CFAP45: variants seen among roughly 807,000 people sequenced by gnomAD.
CFAP45 encodes the protein cilia- and flagella-associated protein 45.
A neutral mutation model predicts 75.6 loss-of-function variants in CFAP45; 43 were observed. The ratio of observed to expected loss-of-function variants is 0.57; its 90% confidence interval spans 0.45 to 0.73. The LOEUF (loss-of-function observed/expected upper bound fraction) is 0.73, where lower values mean the gene tolerates loss of function less well. CFAP45 is among the 30% of genes least tolerant of loss of function. The pLI, the probability that CFAP45 is intolerant of heterozygous loss-of-function variation, is 0.00. For synonymous variants in CFAP45, 223 were observed against 244.6 expected (o/e 0.91, Z 0.82); for missense variants, 689 against 701.5 (o/e 0.98, Z 0.20).
intron 7 of CFAP45, among the ~76,000 whole-genome samples, chr1:159,881,708 G>A (rs569475770): frequency 2.6e-5 from 4 of 152,190 alleles, no homozygotes; most frequent in Non-Finnish European, 5.9e-5. Context: ...GAACAAGGTC[G>A]TTTTTAAGGA....
chr1:159,878,689 G>T (rs775348227), intron 8 of CFAP45, among the ~76,000 whole-genome samples: 3 of 144,892 alleles, frequency 2.1e-5, no homozygotes, highest in Admixed American at 7.2e-5. Flanking sequence ...GAAGGCAGAG[G>T]TTGCTGCAGT....
At chr1:159,892,485 C>T (rs79039312) in intron 2 of CFAP45, among the ~76,000 whole-genome samples, 143 of 152,280 alleles carry the variant, frequency 9.4e-4, no homozygotes, top group African/African-American at 3.4e-3. Context: ...ACCTTCCCCA[C>T]TGGCAGAGGC....
chr1:159,895,951 G>T (rs1422819219), intron 1 of CFAP45, among the ~76,000 whole-genome samples: 1 of 152,212 alleles, frequency 6.6e-6, no homozygotes, highest in African/African-American at 2.4e-5. Context: ...CGAACAAGGT[G>T]ACCTCTCAAG....
At chr1:159,885,915 T>G (rs553382070) in intron 6 of CFAP45, among the ~76,000 whole-genome samples, 1 of 151,984 alleles carries the variant, frequency 6.6e-6, no homozygotes, top group Admixed American at 6.6e-5. Flanking sequence ...CAAAAAAAAA[T>G]TAAGAACTTG....
In CFAP45 at chr1:159,893,155, C is replaced by T. The variant is rs537736471; in HGVS notation, c.129+25G>A. ...GGCCTCTGCCTGCAGGTGGCATCAACTTGAAAGGACTTGTTGAGGATTACC... is the reference window on the plus strand; with the variant it reads ...GGCCTCTGCCTGCAGGTGGCATCAATTTGAAAGGACTTGTTGAGGATTACC... On this transcript the variant is annotated intron_variant, in intron 2 of 11. Transcript: ENST00000368099. The T allele has an allele frequency of 4.3e-6, 7 of 1,612,542 alleles. No homozygotes were observed. The African/African-American group carries it at 9.3e-5, about 21-fold the overall frequency.
intron 8 of CFAP45, among the ~76,000 whole-genome samples, chr1:159,878,568 C>A: frequency 6.6e-6 from 1 of 151,574 alleles, no homozygotes; most frequent in East Asian, 1.9e-4. Flanking sequence ...TCCAGGCCAA[C>A]ATGGTGAAAC....
rs1044596574 is a variant in CFAP45, at chr1:159,884,422, G to C, written c.897+14C>G. On this transcript the variant is annotated intron_variant, in intron 7 of 11. Transcript: ENST00000368099. ...CAGCTGGTGAAACGTGGCATTGTCT[G>C]TCTGGCCTGTTACCTTTAGATCTTC... The C allele has an allele frequency of 3.1e-6, 5 of 1,596,732 alleles. No individual in the cohort carries two copies. Among genetic ancestry groups the C allele is most frequent in the Non-Finnish European group, 4.3e-6 (5 of 1,170,606 alleles).
chr1:159,876,838 C>G, intron 9 of CFAP45, 89 bp from the exon 10 acceptor site: 1 of 1,209,346 alleles, frequency 8.3e-7, no homozygotes, highest in Non-Finnish European at 1.2e-6. Context: ...CTTACAGACT[C>G]TGACAGTCTG....
Position 159,888,441 on chromosome 1 carries a change from C to T in CFAP45, c.328G>A (p.Glu110Lys), listed in dbSNP as rs758764436. Reference protein sequence around the residue: ...ESLIISPEEFERIKWASHVLT... With the variant: ...ESLIISPEEFKRIKWASHVLT... ...ACATGGGATGCCCATTTGATTCGCT[C>T]AAACTCCTCAGGGCTGATGATTAGG... The change falls in exon 4 of 12, where the codon GAG becomes AAG. Residue 110 changes from glutamate (E) to lysine (K), a missense_variant. Coordinates refer to ENST00000368099, the MANE Select transcript of CFAP45 (RefSeq NM_012337.3). 4.3e-6 allele frequency: 7 copies of T among 1,613,940 alleles called. No individual in the cohort carries two copies. The South Asian group carries it at 7.7e-5, about 18-fold the overall frequency.
chr1:159,878,518 G>T (rs1270836081), intron 8 of CFAP45, among the ~76,000 whole-genome samples: 1 of 151,992 alleles, frequency 6.6e-6, no homozygotes. Context: ...ACTTTGGGAG[G>T]CTGAGGCAGG....
Position 159,872,671 on chromosome 1 carries a change from C to A in CFAP45, c.1578-108G>T, listed in dbSNP as rs1036503995. ...ACAGAACCTGGGGGCCTGCACCCCC[C>A]AACCCTGCTCTCACAATCCACCCCC... On this transcript the variant is annotated intron_variant, in intron 11 of 11. Coordinates refer to ENST00000368099, the MANE Select transcript of CFAP45 (RefSeq NM_012337.3). The A allele has an allele frequency of 5.2e-6, 5 of 969,074 alleles. No individual in the cohort carries two copies. The Admixed American group carries it at 7.8e-5, about 15-fold the overall frequency. 60.0% of individuals were successfully genotyped at this position (969,074 alleles called of 1,614,324 possible). A position where few individuals can be genotyped will look rare whatever the true frequency, so the allele number is the denominator to read the frequency against.
At chr1:159,875,376 T>C (rs1649374876) in intron 10 of CFAP45, among the ~76,000 whole-genome samples, 2 of 151,236 alleles carry the variant, frequency 1.3e-5, no homozygotes, top group Non-Finnish European at 2.9e-5. Flanking sequence ...CCAGTGACCA[T>C]GGCACAACCC....
At chr1:159,885,367 C>A (rs1390900837) in intron 6 of CFAP45, among the ~76,000 whole-genome samples, 1 of 152,092 alleles carries the variant, frequency 6.6e-6, no homozygotes, top group African/African-American at 2.4e-5. Context: ...CAGGTACCTA[C>A]CAGAAGTACA....
At chr1:159,885,197 G>C (rs1649650086) in intron 6 of CFAP45, among the ~76,000 whole-genome samples, 1 of 152,184 alleles carries the variant, frequency 6.6e-6, no homozygotes, top group South Asian at 2.1e-4. Context: ...AGAGTAAAAG[G>C]GTTACATGAA....
intron 6 of CFAP45, 28 bp downstream of exon 6, chr1:159,886,483 G>A (rs1649689155): frequency 1.2e-6 from 2 of 1,600,196 alleles, no homozygotes; most frequent in Admixed American, 1.7e-5. Context: ...ATAGCTTAGA[G>A]AGGGAGATGC....
rs376359704 is a variant in CFAP45, at chr1:159,882,048, G to C, written c.898-1348C>G. The stretch of plus-strand genomic sequence containing the variant: ...TTCCTGTAGTGCTGGCTCTCTGCCA[G>C]CTTGGCTCACTGCCCAGTTCAAGGC... On this transcript the variant is annotated intron_variant, in intron 7 of 11. Transcript: ENST00000368099. 3.1e-4 allele frequency among the ~76,000 whole-genome samples: 47 copies of C among 152,326 alleles called. 2 individuals are homozygous for C. In the South Asian group the frequency reaches 9.5e-3, roughly 31 times the overall value.
At chr1:159,886,727 G>A (rs1649697006) in intron 5 of CFAP45, 38 bp from the exon 6 acceptor site, 1 of 1,561,088 alleles carries the variant, frequency 6.4e-7, no homozygotes, top group Non-Finnish European at 8.8e-7. Flanking sequence ...CTAGGCCTAG[G>A]GATGTGTAAG....
chr1:159,891,972 C>T (rs1303096723), intron 2 of CFAP45, among the ~76,000 whole-genome samples: 1 of 152,116 alleles, frequency 6.6e-6, no homozygotes, highest in African/African-American at 2.4e-5. Flanking sequence ...ACAACAACAA[C>T]AATACAAATG....
intron 7 of CFAP45, 65 bp downstream of exon 7, chr1:159,884,371 C>G: frequency 6.6e-7 from 1 of 1,511,892 alleles, no homozygotes. Flanking sequence ...CCTGAAACCC[C>G]AGAGTCTTGA....
Sources: allele counts gnomAD v4.1 joint callset (sites outside exome capture counted in the v4.1 genomes callset), GRCh38; gene constraint gnomAD v4.1.1; transcripts MANE v1.5; gene names NCBI Gene and HGNC (gene_info 2026-07-23, HGNC 2026-07-21).